TTC28: variants seen among roughly 807,000 people sequenced by gnomAD.
TTC28 encodes tetratricopeptide repeat protein 28.
Under a neutral mutation model 198.0 loss-of-function variants are expected in TTC28, and 61 were observed. The observed-to-expected ratio is 0.31, with a 90% CI of 0.25 to 0.38. The LOEUF (loss-of-function observed/expected upper bound fraction) is 0.38. Ranked by LOEUF, TTC28 falls within the 10% of genes least tolerant of loss-of-function variation. The pLI, the probability that TTC28 is intolerant of heterozygous loss-of-function variation, is 1.00. For synonymous variants in TTC28, 1,171 were observed against 1,297.8 expected (o/e 0.90, Z 2.10); for missense variants, 2,678 against 3,164.0 (o/e 0.85, Z 3.69).
intron 2 of TTC28, among the ~76,000 whole-genome samples, chr22:28,595,613 G>A (rs1434218011): frequency 1.3e-5 from 2 of 152,082 alleles, no homozygotes; most frequent in South Asian, 2.1e-4. Context: ...TTGAACAAAC[G>A]ATTACATATC....
chr22:28,467,430 A>G (rs192466023), intron 2 of TTC28, among the ~76,000 whole-genome samples: 185 of 152,320 alleles, frequency 1.2e-3, no homozygotes, highest in Non-Finnish European at 1.6e-3. Flanking sequence ...TCTCAAAAAA[A>G]TACATATACT....
Position 28,094,138 on chromosome 22 carries a change from G to A in TTC28, c.3874C>T (p.Leu1292=), listed in dbSNP as rs1338956135. The A allele has an allele frequency of 6.4e-7, 1 of 1,551,528 alleles. No individual in the cohort carries two copies. Among genetic ancestry groups the A allele is most frequent in the African/African-American group, 1.4e-5 (1 of 73,046 alleles). ...VTLPTATGSA[L]EQHIASVREA... The stretch of plus-strand genomic sequence containing the variant: ...CGGACACTGGCAATGTGCTGCTCCA[G>A]GGCTGAGCCGGTTGCTGTTGGAAGG... The change falls in exon 12 of 23, where the codon CTG becomes TTG. Residue 1292 remains leucine (L), a synonymous_variant. Coordinates refer to ENST00000397906, the MANE Select transcript of TTC28 (RefSeq NM_001145418.2).
At chr22:28,611,520 T>TA (rs1491461561) in intron 2 of TTC28, among the ~76,000 whole-genome samples, 1 of 142,330 alleles carries the variant, frequency 7.0e-6, no homozygotes, top group Non-Finnish European at 1.5e-5. Context: ...TTTTTTTTTT[T>TA]ATTATACTCT....
chr22:28,063,360 C>T (rs1405221352), intron 12 of TTC28, among the ~76,000 whole-genome samples: 4 of 152,154 alleles, frequency 2.6e-5, no homozygotes, highest in East Asian at 1.9e-4. Flanking sequence ...GAGCTTTAAA[C>T]GCCAAATGTG....
intron 12 of TTC28, among the ~76,000 whole-genome samples, chr22:28,067,250 CT>C (rs1273330017): frequency 6.6e-6 from 1 of 152,132 alleles, no homozygotes; most frequent in African/African-American, 2.4e-5. Context: ...TTTGTTTATT[CT>C]TTTTCTCTCC....
intron 12 of TTC28, among the ~76,000 whole-genome samples, chr22:28,071,733 T>TA (rs368033113): frequency 0.027 from 1,387 of 51,766 alleles, 19 homozygotes; most frequent in Middle Eastern, 0.031. Context: ...TAAAGTATAA[T>TA]AAAAAAAAAA....
chr22:28,331,154 T>TA (rs2045610287), intron 2 of TTC28, among the ~76,000 whole-genome samples: 2 of 152,174 alleles, frequency 1.3e-5, no homozygotes, highest in Admixed American at 1.3e-4. Flanking sequence ...TTCTGCAAGG[T>TA]AAATTATTAT....
At chr22:28,042,974 G>C (rs1055830608) in intron 12 of TTC28, among the ~76,000 whole-genome samples, 1 of 151,994 alleles carries the variant, frequency 6.6e-6, no homozygotes, top group Non-Finnish European at 1.5e-5. Flanking sequence ...GGCCAGGCAC[G>C]GTGGCTCATG....
At chr22:28,025,111 T>C (rs1938776051) in intron 13 of TTC28, among the ~76,000 whole-genome samples, 1 of 152,094 alleles carries the variant, frequency 6.6e-6, no homozygotes, top group South Asian at 2.1e-4. Flanking sequence ...ATTCAAGGTG[T>C]TTCCAGTGGC....
At position 27,983,314 on chromosome 22, in the gene TTC28, G is replaced by A; in HGVS notation, c.6353C>T (p.Pro2118Leu). The change falls in exon 23 of 23, where the codon CCC becomes CTC. Residue 2118 changes from proline (P) to leucine (L), a missense_variant. Coordinates refer to ENST00000397906, the MANE Select transcript of TTC28 (RefSeq NM_001145418.2). ...SPVKMTLIPS[P>L]NSPFQKVGKL... is the part of the protein sequence containing the mutation. ...TCCCACCTTTTGGAAGGGTGAGTTG[G>A]GGCTGGGAATCAGAGTCATTTTCAC... is the stretch of plus-strand genomic sequence containing the variant. 6.4e-7 allele frequency: 1 copy of A among 1,552,024 alleles called. No homozygotes were observed. Among genetic ancestry groups the A allele is most frequent in the Non-Finnish European group, 8.7e-7 (1 of 1,147,094 alleles).
intron 2 of TTC28, among the ~76,000 whole-genome samples, chr22:28,556,686 A>G (rs1381147939): frequency 6.6e-6 from 1 of 152,260 alleles, no homozygotes; most frequent in African/African-American, 2.4e-5. Context: ...TCAAGAACTC[A>G]GAAGCAGCTT....
chr22:28,323,434 TAAAA>T (rs556291068), intron 2 of TTC28, among the ~76,000 whole-genome samples: 1 of 152,068 alleles, frequency 6.6e-6, no homozygotes, highest in Non-Finnish European at 1.5e-5. Context: ...TTGAAATAAT[TAAAA>T]AGAAGCAGAA....
At chr22:28,265,934 C>T (rs1158332733) in intron 5 of TTC28, among the ~76,000 whole-genome samples, 2 of 152,104 alleles carry the variant, frequency 1.3e-5, no homozygotes, top group African/African-American at 4.8e-5. Context: ...AATCCCAGCA[C>T]TTTGGAAGGC....
At chr22:28,558,286 G>T (rs2049815983) in intron 2 of TTC28, among the ~76,000 whole-genome samples, 1 of 152,148 alleles carries the variant, frequency 6.6e-6, no homozygotes, top group South Asian at 2.1e-4. Context: ...TCATTTACAT[G>T]GTAAGATGTA....
At chr22:28,069,667 T>G (rs1292557715) in intron 12 of TTC28, among the ~76,000 whole-genome samples, 1 of 152,208 alleles carries the variant, frequency 6.6e-6, no homozygotes, top group African/African-American at 2.4e-5. Flanking sequence ...CTTGCCTGTT[T>G]GACTCATTTT....
Position 28,107,281 on chromosome 22 carries a change from C to T in TTC28, c.2564G>A (p.Gly855Asp). 6.4e-7 allele frequency: 1 copy of T among 1,551,862 alleles called. No homozygotes were observed. The change falls in exon 7 of 23, where the codon GGC becomes GAC. Residue 855 changes from glycine (G) to aspartate (D), a missense_variant. Coordinates refer to ENST00000397906, the MANE Select transcript of TTC28 (RefSeq NM_001145418.2). ...CATGGCCAATTGCTGCTCAAAGTAG[C>T]CAATGGCTTCTTCCATCACATTCAT... ...MNMNVMEEAI[G>D]YFEQQLAMLQ...
chr22:28,635,625 C>T (rs2051257074), intron 1 of TTC28, among the ~76,000 whole-genome samples: 1 of 152,080 alleles, frequency 6.6e-6, no homozygotes, highest in Non-Finnish European at 1.5e-5. Flanking sequence ...TTACTACATA[C>T]ATAGTAAAAT....
intron 6 of TTC28, among the ~76,000 whole-genome samples, chr22:28,117,021 G>A (rs558182411): frequency 9.2e-5 from 14 of 152,280 alleles, no homozygotes; most frequent in South Asian, 2.1e-4. Flanking sequence ...TCTCTTCCAC[G>A]TTCAGGTATG....
chr22:27,990,193 GC>G (rs1255289883), intron 20 of TTC28, 186 bp from the exon 21 acceptor site: 3 of 786,328 alleles, frequency 3.8e-6, no homozygotes, highest in Non-Finnish European at 5.5e-6. Flanking sequence ...TCTGTGGGAA[GC>G]TCATGGGGCA....
Sources: gnomAD v4.1 joint callset for allele counts (sites outside exome capture counted in the v4.1 genomes callset) on GRCh38, gnomAD v4.1.1 for gene constraint, MANE v1.5 for transcripts, NCBI Gene and HGNC (gene_info 2026-07-23, HGNC 2026-07-21) for gene names.